Variants in MAGI2 observed in about 807,000 individuals in gnomAD.
MAGI2 encodes the protein membrane associated guanylate kinase, WW and PDZ domain containing 2, also known as membrane-associated guanylate kinase, WW and PDZ domain-containing protein 2.
Under a neutral mutation model 133.3 loss-of-function variants are expected in MAGI2, and 35 were observed. The ratio of observed to expected loss-of-function variants is 0.26; its 90% CI spans 0.20 to 0.35. The LOEUF (loss-of-function observed/expected upper bound fraction) is 0.35, where lower values mean the gene tolerates loss of function less well. MAGI2 is among the 10% of genes least tolerant of loss of function. MAGI2 has a pLI of 1.00. For missense variants in MAGI2, 1,636 were observed against 1,863.4 expected, an observed-to-expected ratio of 0.88 and a Z score of 2.25; for synonymous variants, 729 against 710.6, an observed-to-expected ratio of 1.03 and a Z score of -0.41.
chr7:79,313,009 T>C (rs1416123606), intron 1 of MAGI2, among the ~76,000 whole-genome samples: 1 of 152,170 alleles, frequency 6.6e-6, no homozygotes, highest in Non-Finnish European at 1.5e-5. Flanking sequence ...CATTTTTTAT[T>C]ACATGGAATA....
At chr7:78,869,978 T>C (rs141753819) in intron 2 of MAGI2, among the ~76,000 whole-genome samples, 58 of 152,348 alleles carry the variant, frequency 3.8e-4, no homozygotes, top group African/African-American at 1.3e-3. Flanking sequence ...AGTACCATTC[T>C]GCTTTGGTAA....
In MAGI2 at chr7:78,460,004, T is replaced by C. The variant is rs1331811402; in HGVS notation, c.1045+29757A>G. 2.0e-5 allele frequency among the ~76,000 whole-genome samples: 3 copies of C among 152,330 alleles called. No individual in the cohort carries two copies. The East Asian group carries it at 5.8e-4, about 29-fold the overall frequency. ...GGGCTGCACCCCAGGGCATTTATTTTGCCTGTCTTCTAGTGTTTCCCAAAG... is the reference window on the plus strand; with the variant it reads ...GGGCTGCACCCCAGGGCATTTATTTCGCCTGTCTTCTAGTGTTTCCCAAAG... On this transcript the variant is annotated intron_variant, in intron 6 of 21. Transcript: ENST00000354212.
chr7:79,107,851 C>T (rs1282029713), intron 1 of MAGI2, among the ~76,000 whole-genome samples: 2 of 152,108 alleles, frequency 1.3e-5, no homozygotes, highest in African/African-American at 2.4e-5. Context: ...ATATTAATTG[C>T]ATTAGTTATT....
Position 78,019,359 on chromosome 7 carries a change from G to A in MAGI2, c.4324C>T (p.Leu1442=), listed in dbSNP as rs777963775. 5 of 1,497,210 alleles carry A rather than the reference G, an allele frequency of 3.3e-6. No individual in the cohort carries two copies. The South Asian group carries it at 3.8e-5, about 11-fold the overall frequency. The allele number at this position is 1,497,210 out of a possible 1,614,324, so 92.7% of individuals were successfully genotyped here. Residue 1442 remains leucine, a synonymous_variant, in exon 22 of 22, where the codon CTG becomes TTG. Transcript: ENST00000354212. ...GCGCCGGGTTTGAGGACGCTGGGCA[G>A]CTTGTCAGAACCCGGCACCTTCCAG... ...GPWKVPGSDK[L]PSVLKPGASA...
At position 78,696,775 on chromosome 7, in the gene MAGI2, T is replaced by C. The variant is rs145928370; in HGVS notation, c.419-69536A>G. 3.4e-3 allele frequency among the ~76,000 whole-genome samples: 518 copies of C among 152,304 alleles called. 3 individuals carry two copies. The highest frequency in any genetic ancestry group is 0.012 in the African/African-American group (498 of 41,568). On this transcript the variant is annotated intron_variant, in intron 2 of 21. Coordinates refer to ENST00000354212, the MANE Select transcript of MAGI2 (RefSeq NM_012301.4). ...GTCCACTTTAACAGGCAAACCACCA[T>C]TCAGGATGTGTTGAGTGGTTTGATG...
chr7:78,824,809 A>G (rs1168143085), intron 2 of MAGI2, among the ~76,000 whole-genome samples: 1 of 152,204 alleles, frequency 6.6e-6, no homozygotes, highest in Admixed American at 6.5e-5. Context: ...AAAGACTTGG[A>G]ACCAACCCAA....
In MAGI2 at chr7:78,734,594, T is replaced by G. The variant is rs370044070; in HGVS notation, c.419-107355A>C. 1.4e-4 allele frequency among the ~76,000 whole-genome samples: 21 copies of G among 152,314 alleles called. No individual in the cohort carries two copies. The East Asian group carries it at 2.7e-3, about 20-fold the overall frequency. ...ATTTGACCACCCTATGTGACCCGCT[T>G]CAGACAACAGGACAAATCAGAAGTG... On this transcript the variant is annotated intron_variant, in intron 2 of 21. Coordinates refer to ENST00000354212, the MANE Select transcript of MAGI2 (RefSeq NM_012301.4).
At chr7:79,206,190 C>A (rs547859812) in intron 1 of MAGI2, among the ~76,000 whole-genome samples, 1 of 148,794 alleles carries the variant, frequency 6.7e-6, no homozygotes, top group African/African-American at 2.5e-5. Flanking sequence ...AAAAACACAC[C>A]AAGCCAAAGT....
chr7:79,295,254 T>C (rs1836841195), intron 1 of MAGI2, among the ~76,000 whole-genome samples: 1 of 152,176 alleles, frequency 6.6e-6, no homozygotes, highest in South Asian at 2.1e-4. Context: ...TAATTTTATA[T>C]GTCCTCATGC....
At chr7:79,393,885 G>A (rs894499794) in intron 1 of MAGI2, among the ~76,000 whole-genome samples, 1 of 152,126 alleles carries the variant, frequency 6.6e-6, no homozygotes, top group Non-Finnish European at 1.5e-5. Flanking sequence ...TTTAGGCTCC[G>A]CTCTGCTTAA....
At chr7:79,168,866 C>G (rs1825203739) in intron 1 of MAGI2, among the ~76,000 whole-genome samples, 1 of 137,644 alleles carries the variant, frequency 7.3e-6, no homozygotes, top group South Asian at 2.5e-4. Context: ...GTAATGTCTG[C>G]CAGGTTTTTC....
chr7:78,868,482 G>T (rs969534414), intron 2 of MAGI2, among the ~76,000 whole-genome samples: 2 of 151,958 alleles, frequency 1.3e-5, no homozygotes, highest in Admixed American at 1.3e-4. Flanking sequence ...TCCCCCAAAG[G>T]CAAAAGAAAA....
At chr7:78,977,459 C>CAAAG (rs71095371) in intron 2 of MAGI2, among the ~76,000 whole-genome samples, 24 of 138,618 alleles carry the variant, frequency 1.7e-4, no homozygotes, top group Non-Finnish European at 2.8e-4. Context: ...TTACAATTTA[C>CAAAG]AAAGAAAGAA....
In MAGI2 at chr7:78,297,469, C is replaced by A. The variant is rs200689859; in HGVS notation, c.1409-40888G>T. ...GGAAATACCATTTGACCCAGCCATC[C>A]CATTACTGGGTATATACCCAAAGGA... On this transcript the variant is annotated intron_variant, in intron 9 of 21. Coordinates refer to ENST00000354212, the MANE Select transcript of MAGI2 (RefSeq NM_012301.4). Among the ~76,000 whole-genome samples, 402 of 151,700 alleles carry A rather than the reference C, an allele frequency of 2.6e-3. 9 individuals are homozygous for A. In the East Asian group the frequency reaches 0.032, roughly 12 times the overall value.
chr7:78,336,995 G>A (rs918934491), intron 9 of MAGI2, among the ~76,000 whole-genome samples: 1 of 152,094 alleles, frequency 6.6e-6, no homozygotes, highest in African/African-American at 2.4e-5. Context: ...TCTCGTGTAT[G>A]CTGCAAACCA....
At chr7:78,466,829 G>A (rs373905250) in intron 6 of MAGI2, among the ~76,000 whole-genome samples, 3 of 152,082 alleles carry the variant, frequency 2.0e-5, no homozygotes, top group African/African-American at 7.2e-5. Flanking sequence ...AAGGCACTCG[G>A]CAGAGAGTGG....
intron 16 of MAGI2, among the ~76,000 whole-genome samples, chr7:78,135,607 G>C (rs1240309598): frequency 6.6e-6 from 1 of 152,148 alleles, no homozygotes; most frequent in African/African-American, 2.4e-5. Context: ...GGACCACATA[G>C]AACTTTGTGC....
At chr7:79,362,299 A>C (rs1842422570) in intron 1 of MAGI2, among the ~76,000 whole-genome samples, 1 of 152,146 alleles carries the variant, frequency 6.6e-6, no homozygotes, top group African/African-American at 2.4e-5. Flanking sequence ...TTCTTCAAAA[A>C]CTGCAAACTA....
At chr7:78,311,204 A>C (rs912101887) in intron 9 of MAGI2, among the ~76,000 whole-genome samples, 3 of 152,204 alleles carry the variant, frequency 2.0e-5, no homozygotes, top group Admixed American at 6.5e-5. Context: ...AGAGAAAGAA[A>C]AACAGAAGAT....
Sources: allele counts gnomAD v4.1 joint callset (sites outside exome capture counted in the v4.1 genomes callset), GRCh38; gene constraint gnomAD v4.1.1; transcripts MANE v1.5; gene names NCBI Gene and HGNC (gene_info 2026-07-23, HGNC 2026-07-21).